The following GFM2 variants were observed in gnomAD, a reference collection of about 807,000 sequenced individuals.
GFM2 encodes ribosome-releasing factor 2, mitochondrial.
GFM2 carries 72 observed loss-of-function variants against 95.4 expected under a neutral mutation model. The observed-to-expected ratio is 0.76, with a 90% CI of 0.62 to 0.92. The LOEUF (loss-of-function observed/expected upper bound fraction) is 0.92. GFM2 is among the 40% of genes least tolerant of loss of function. The pLI is 0.00. For synonymous variants in GFM2, 276 were observed against 317.5 expected (o/e 0.87, Z 1.39); for missense variants, 825 against 924.1 (o/e 0.89, Z 1.39).
At chr5:74,737,044 A>C (rs1461416775) in intron 14 of GFM2, 59 bp from the exon 15 acceptor site, 3 of 1,545,824 alleles carry the variant, frequency 1.9e-6, no homozygotes, top group Non-Finnish European at 2.6e-6. Flanking sequence ...CTCATCTTAC[A>C]CCAAGAACCA....
At chr5:74,743,892 A>G (rs769935784) in intron 10 of GFM2, among the ~76,000 whole-genome samples, 2 of 152,202 alleles carry the variant, frequency 1.3e-5, no homozygotes. Flanking sequence ...TAGGGACAAT[A>G]TAAGGTTCTT....
At chr5:74,765,319 G>A (rs1179313414) in intron 1 of GFM2, among the ~76,000 whole-genome samples, 4 of 152,094 alleles carry the variant, frequency 2.6e-5, no homozygotes, top group African/African-American at 7.2e-5. Flanking sequence ...TTAATGCAGT[G>A]AACAAAAGAC....
At chr5:74,765,274 G>T in intron 1 of GFM2, 1 of 237,312 alleles carries the variant, frequency 4.2e-6, no homozygotes, top group Non-Finnish European at 7.5e-6. Flanking sequence ...AATTTACTGT[G>T]TGTCTGCCTA....
In GFM2 at chr5:74,760,989, A is replaced by C; in HGVS notation, c.64-3T>G. ...CTTATTTTATAGCAGCATATATTCT[A>C]GTAAAGAGAAAAAGAAACTTGGCAT... is the stretch of plus-strand genomic sequence containing the variant. On this transcript the variant is annotated splice_region_variant and splice_polypyrimidine_tract_variant and intron_variant, in intron 2 of 20. Transcript: ENST00000296805. The C allele has an allele frequency of 6.5e-7, 1 of 1,529,830 alleles. No homozygotes were observed. Among genetic ancestry groups the C allele is most frequent in the African/African-American group, 1.4e-5 (1 of 72,582 alleles). 94.8% of individuals were successfully genotyped at this position (1,529,830 alleles called of 1,614,324 possible).
chr5:74,762,209 C>T (rs1013979610), intron 2 of GFM2, among the ~76,000 whole-genome samples: 5 of 152,080 alleles, frequency 3.3e-5, no homozygotes, highest in South Asian at 4.1e-4. Context: ...AAACTGTAGA[C>T]GAATGGTAAG....
At chr5:74,745,113 C>A (rs894003356) in intron 10 of GFM2, among the ~76,000 whole-genome samples, 2 of 151,926 alleles carry the variant, frequency 1.3e-5, no homozygotes, top group Non-Finnish European at 2.9e-5. Flanking sequence ...CTGAGGTGGG[C>A]GATCACCTGA....
intron 16 of GFM2, among the ~76,000 whole-genome samples, chr5:74,731,620 T>TAA (rs142845679): frequency 1.3e-5 from 2 of 151,360 alleles, no homozygotes; most frequent in African/African-American, 4.8e-5. Context: ...ATCACAAATT[T>TAA]AAAAAAAAAT....
chr5:74,724,602 CTT>C (rs1176915823), intron 19 of GFM2, among the ~76,000 whole-genome samples: 1 of 151,948 alleles, frequency 6.6e-6, no homozygotes, highest in Non-Finnish European at 1.5e-5. Flanking sequence ...TTTTTCAAAG[CTT>C]TGTTTTTAAT....
intron 12 of GFM2, 63 bp from the exon 13 acceptor site, chr5:74,738,705 C>A: frequency 6.8e-7 from 1 of 1,459,992 alleles, no homozygotes; most frequent in Non-Finnish European, 9.3e-7. Context: ...AGAAACTTAA[C>A]CTTAATGTCC....
Position 74,730,304 on chromosome 5 carries a change from T to C in GFM2, c.1682A>G (p.Gln561Arg), listed in dbSNP as rs1486726190. 2 of 1,613,554 alleles carry C rather than the reference T, an allele frequency of 1.2e-6. No individual in the cohort carries two copies. Among genetic ancestry groups the C allele is most frequent in the Admixed American group, 3.3e-5 (2 of 59,896 alleles). Residue 561 changes from glutamine (Q) to arginine (R), a missense_variant, in exon 17 of 21, where the codon CAG becomes CGG. Gln to Arg is a conservative substitution (Grantham distance 43, BLOSUM62 1). Coordinates refer to ENST00000296805, the MANE Select transcript of GFM2 (RefSeq NM_032380.5). ...YGLETYLGPLQVAYRETILNS... is the reference protein window; with the variant it reads ...YGLETYLGPLRVAYRETILNS... Reference sequence around the variant, plus strand: ...TAGGATGGTCTCTCGATATGCCACCTGGAGAGGCCCGAGATAGGTCTCCAG... The same window carrying C: ...TAGGATGGTCTCTCGATATGCCACCCGGAGAGGCCCGAGATAGGTCTCCAG...
chr5:74,728,741 G>C (rs963555138), intron 17 of GFM2, among the ~76,000 whole-genome samples: 13 of 138,054 alleles, frequency 9.4e-5, no homozygotes, highest in Admixed American at 5.9e-4. Flanking sequence ...TTTATGTGTG[G>C]GGGTTTCTTT....
At chr5:74,765,872 G>T (rs1744560621) in intron 1 of GFM2, among the ~76,000 whole-genome samples, 1 of 152,026 alleles carries the variant, frequency 6.6e-6, no homozygotes, top group African/African-American at 2.4e-5. Context: ...GGTGGCGAGC[G>T]CCTATAATTC....
chr5:74,748,445 A>G (rs1743501196), intron 7 of GFM2, among the ~76,000 whole-genome samples: 1 of 152,204 alleles, frequency 6.6e-6, no homozygotes, highest in Non-Finnish European at 1.5e-5. Context: ...TTCTGTCACC[A>G]TAGCTTCAGT....
At chr5:74,728,439 G>A (rs1486930105) in intron 17 of GFM2, among the ~76,000 whole-genome samples, 2 of 152,076 alleles carry the variant, frequency 1.3e-5, no homozygotes, top group Non-Finnish European at 1.5e-5. Flanking sequence ...ATAGCCTGAG[G>A]AGTAAGAAAA....
chr5:74,727,854 ATCT>A (rs1377207571), intron 17 of GFM2, among the ~76,000 whole-genome samples: 49 of 152,356 alleles, frequency 3.2e-4, no homozygotes, highest in African/African-American at 1.0e-3. Flanking sequence ...GCAAATTAAC[ATCT>A]ATCATGTCAA....
intron 10 of GFM2, among the ~76,000 whole-genome samples, chr5:74,744,110 G>A (rs148779551): frequency 5.7e-4 from 87 of 152,256 alleles, no homozygotes; most frequent in East Asian, 5.4e-3. Flanking sequence ...ATCATAGAGT[G>A]TACTTACATA....
Position 74,730,371 on chromosome 5 carries a change from G to A in GFM2, c.1615C>T (p.His539Tyr), listed in dbSNP as rs1311326129. Reference protein sequence around the residue: ...QTVLCGMGELHIEIIHDRIKR... With the variant: ...QTVLCGMGELYIEIIHDRIKR... ...ATTCGATCATGAATAATCTCTATAT[G>A]TAACTCCCCCATACCACACAGAACA... Residue 539 changes from histidine (H) to tyrosine (Y), a missense_variant, in exon 17 of 21, where the codon CAT becomes TAT. Transcript: ENST00000296805. The A allele has an allele frequency of 6.2e-7, 1 of 1,610,354 alleles. No individual in the cohort carries two copies. Among genetic ancestry groups the A allele is most frequent in the Non-Finnish European group, 8.5e-7 (1 of 1,177,376 alleles).
At chr5:74,749,002 A>G (rs1743555921) in intron 7 of GFM2, among the ~76,000 whole-genome samples, 1 of 151,232 alleles carries the variant, frequency 6.6e-6, no homozygotes, top group Non-Finnish European at 1.5e-5. Flanking sequence ...TAGTTGCATT[A>G]TTTTGCAGTC....
chr5:74,742,194 C>A (rs1444771496), intron 10 of GFM2, among the ~76,000 whole-genome samples: 1 of 148,268 alleles, frequency 6.7e-6, no homozygotes, highest in East Asian at 2.1e-4. Flanking sequence ...ATTCAGCTGA[C>A]AAATTAATAA....
Sources: gnomAD v4.1 joint callset for allele counts (sites outside exome capture counted in the v4.1 genomes callset) on GRCh38, gnomAD v4.1.1 for gene constraint, MANE v1.5 for transcripts, NCBI Gene and HGNC (gene_info 2026-07-23, HGNC 2026-07-21) for gene names.